Variants in RSPH14 observed in about 807,000 individuals in gnomAD.
RSPH14 encodes radial spoke head 14 homolog.
In RSPH14, 20 loss-of-function variants were observed where a neutral mutation model predicts 26.7. That is an observed-to-expected ratio of 0.75 (90% CI 0.53 to 1.09). The LOEUF is 1.09. RSPH14 is among the 50% of genes least tolerant of loss of function. The probability of loss-of-function intolerance (pLI) is 0.00; values close to 1 mark genes in which losing one functional copy is unlikely to be tolerated. For synonymous variants in RSPH14, 177 were observed against 189.3 expected (o/e 0.93, Z 0.53); for missense variants, 449 against 457.2 (o/e 0.98, Z 0.16).
intron 4 of RSPH14, among the ~76,000 whole-genome samples, chr22:23,120,362 GA>G (rs1390836053): frequency 1.3e-5 from 2 of 152,126 alleles, no homozygotes; most frequent in African/African-American, 4.8e-5. Context: ...GCCTTGGAGA[GA>G]GGGGGTCCAC....
At chr22:23,069,395 T>C (rs992120347) in intron 4 of RSPH14, among the ~76,000 whole-genome samples, 1 of 152,230 alleles carries the variant, frequency 6.6e-6, no homozygotes, top group South Asian at 2.1e-4. Context: ...GGAGCATTCA[T>C]GTCTTGGCCC....
chr22:23,096,052 G>A (rs1253935293), intron 4 of RSPH14: 1 of 1,607,252 alleles, frequency 6.2e-7, no homozygotes, highest in Admixed American at 1.7e-5. Flanking sequence ...GCAAGGGCGA[G>A]ATCACACCCG....
chr22:23,158,228 C>G, the RSPH14 span, among the ~76,000 whole-genome samples: 1 of 152,208 alleles, frequency 6.6e-6, no homozygotes, highest in African/African-American at 2.4e-5. Context: ...AGATTTGTCC[C>G]TATTCTGGAG....
intron 4 of RSPH14, among the ~76,000 whole-genome samples, chr22:23,079,852 G>A (rs1321140241): frequency 7.2e-5 from 11 of 152,170 alleles, no homozygotes; most frequent in South Asian, 2.1e-4. Context: ...CAGGGAAGGC[G>A]TGCTGGGCAT....
At chr22:23,140,095 G>T in intron 2 of RSPH14, 127 bp downstream of exon 2, 1 of 1,162,270 alleles carries the variant, frequency 8.6e-7, no homozygotes, top group Non-Finnish European at 1.2e-6. Context: ...CCCGGGCACC[G>T]CACCTATAGT....
At chr22:23,116,722 G>A (rs6003513) in intron 4 of RSPH14, among the ~76,000 whole-genome samples, 15 of 152,332 alleles carry the variant, frequency 9.8e-5, no homozygotes, top group South Asian at 2.1e-4. Context: ...CAGCCCAGGC[G>A]CTTGTCCCAC....
intron 4 of RSPH14, among the ~76,000 whole-genome samples, chr22:23,067,141 C>T (rs1328494780): frequency 1.3e-5 from 2 of 152,102 alleles, no homozygotes; most frequent in East Asian, 3.9e-4. Flanking sequence ...GGTTGATGAG[C>T]CAAAGAGATC....
At chr22:23,079,428 G>GAGAGGCAGCT (rs1319036001) in intron 4 of RSPH14, among the ~76,000 whole-genome samples, 1 of 152,186 alleles carries the variant, frequency 6.6e-6, no homozygotes, top group Non-Finnish European at 1.5e-5. Flanking sequence ...GATGGTGCTA[G>GAGAGGCAGCT]AGAGGCAGCT....
chr22:23,063,515 GA>G (rs1285070468), intron 5 of RSPH14, among the ~76,000 whole-genome samples: 1 of 152,198 alleles, frequency 6.6e-6, no homozygotes, highest in Non-Finnish European at 1.5e-5. Flanking sequence ...TCTCACCTGT[GA>G]AGGCAGACAT....
At chr22:23,180,655 C>T in the RSPH14 span, 2 of 157,870 alleles carry the variant, frequency 1.3e-5, no homozygotes, top group Admixed American at 6.6e-5. Flanking sequence ...GGGCCGTGGC[C>T]AGAGTCTGGC....
the RSPH14 span, among the ~76,000 whole-genome samples, chr22:23,177,108 C>G: frequency 6.6e-5 from 10 of 152,212 alleles, no homozygotes; most frequent in Non-Finnish European, 1.2e-4. Context: ...CCTGCCTCAC[C>G]TCTGATCCCA....
chr22:23,094,220 A>T (rs1445714117), intron 4 of RSPH14, among the ~76,000 whole-genome samples: 2 of 152,050 alleles, frequency 1.3e-5, no homozygotes, highest in Non-Finnish European at 2.9e-5. Context: ...TCAGGGAAGG[A>T]GCAAGAGGGG....
intron 4 of RSPH14, among the ~76,000 whole-genome samples, chr22:23,129,968 AAGAAAG>A (rs1483097211): frequency 6.6e-6 from 1 of 150,788 alleles, no homozygotes; most frequent in South Asian, 2.1e-4. Flanking sequence ...AAGAGAGAGG[AAGAAAG>A]AGAAAGAGAC....
chr22:23,076,925 C>G (rs2068520511), intron 4 of RSPH14, among the ~76,000 whole-genome samples: 4 of 152,176 alleles, frequency 2.6e-5, no homozygotes, highest in African/African-American at 9.7e-5. Flanking sequence ...CGAATGCTTT[C>G]CACTCTCTGG....
In RSPH14 at chr22:23,132,336, C is replaced by A. The variant is rs553066259; in HGVS notation, c.421+1690G>T. ...AATAATTCCCTCGTCTAAAAATACT[C>A]ATTGCATCATGCGACCAGGCAGGTA... On this transcript the variant is annotated intron_variant, in intron 4 of 6. Transcript: ENST00000216036. Among the ~76,000 whole-genome samples the A allele has an allele frequency of 1.1e-4, 16 of 152,266 alleles. No homozygotes were observed. The South Asian group carries it at 3.1e-3, about 30-fold the overall frequency.
intron 4 of RSPH14, among the ~76,000 whole-genome samples, chr22:23,104,898 C>A (rs2069415435): frequency 6.6e-6 from 1 of 152,196 alleles, no homozygotes; most frequent in South Asian, 2.1e-4. Context: ...TGGCCCTGGG[C>A]ATCTCAGGGG....
intron 4 of RSPH14, among the ~76,000 whole-genome samples, chr22:23,087,076 C>G (rs771276930): frequency 6.6e-6 from 1 of 152,202 alleles, no homozygotes; most frequent in African/African-American, 2.4e-5. Context: ...TGGCCACAGG[C>G]ACAGGCTTTT....
intron 4 of RSPH14, chr22:23,132,606 C>T (rs1387881778): frequency 6.7e-6 from 1 of 148,872 alleles, no homozygotes; most frequent in Non-Finnish European, 1.5e-5. Flanking sequence ...TACACACCCA[C>T]CAAAATAGCT....
intron 4 of RSPH14, among the ~76,000 whole-genome samples, chr22:23,084,723 A>G (rs1367819421): frequency 2.0e-5 from 3 of 152,166 alleles, no homozygotes; most frequent in Non-Finnish European, 2.9e-5. Context: ...CACTACCCCA[A>G]GGCCCAGTGG....
Sources: gnomAD v4.1 joint callset for allele counts (sites outside exome capture counted in the v4.1 genomes callset) on GRCh38, gnomAD v4.1.1 for gene constraint, MANE v1.5 for transcripts, NCBI Gene and HGNC (gene_info 2026-07-23, HGNC 2026-07-21) for gene names.